Variants in CNTN4 observed in about 807,000 individuals in gnomAD.
The protein encoded by CNTN4 is contactin 4, also known as contactin-4.
In CNTN4, 77 loss-of-function variants were observed where a neutral mutation model predicts 122.5. The ratio of observed to expected loss-of-function variants is 0.63; its 90% CI spans 0.52 to 0.76. The LOEUF (loss-of-function observed/expected upper bound fraction) is 0.76. Among genes scored for constraint, CNTN4 ranks in the 30% least tolerant of loss-of-function variants. The pLI is 0.00. For synonymous variants in CNTN4, 512 were observed against 447.0 expected (o/e 1.15, Z -1.83); for missense variants, 1,256 against 1,259.1 (o/e 1.00, Z 0.04).
intron 13 of CNTN4, among the ~76,000 whole-genome samples, chr3:2,970,469 A>G (rs765371249): frequency 2.6e-5 from 4 of 151,962 alleles, no homozygotes; most frequent in Non-Finnish European, 2.9e-5. Context: ...TAATTGAGAC[A>G]GTTTTACTCT....
At chr3:2,783,215 G>A (rs900361423) in intron 6 of CNTN4, among the ~76,000 whole-genome samples, 2 of 152,186 alleles carry the variant, frequency 1.3e-5, no homozygotes, top group East Asian at 3.9e-4. Context: ...CTTGAGCCCA[G>A]CAGATGGAGG....
chr3:3,055,729 T>A (rs1208847019), intron 24 of CNTN4, among the ~76,000 whole-genome samples: 1 of 152,192 alleles, frequency 6.6e-6, no homozygotes, highest in African/African-American at 2.4e-5. Flanking sequence ...CTGGCCTTCA[T>A]CCAGTTTTTG....
At chr3:3,009,814 A>G (rs888308374) in intron 14 of CNTN4, among the ~76,000 whole-genome samples, 1 of 152,224 alleles carries the variant, frequency 6.6e-6, no homozygotes, top group Admixed American at 6.5e-5. Flanking sequence ...TTGTTGGCCC[A>G]TATTTAAGAG....
At chr3:2,397,430 AT>A (rs965157724) in intron 3 of CNTN4, among the ~76,000 whole-genome samples, 22 of 151,888 alleles carry the variant, frequency 1.4e-4, no homozygotes, top group African/African-American at 5.3e-4. Flanking sequence ...GAAGAAAAAA[AT>A]TTATAAGCTT....
intron 4 of CNTN4, among the ~76,000 whole-genome samples, chr3:2,643,092 C>T (rs1011512283): frequency 2.0e-5 from 3 of 152,228 alleles, no homozygotes; most frequent in Non-Finnish European, 4.4e-5. Flanking sequence ...ACTCTATCAT[C>T]TCTATGGAGC....
intron 2 of CNTN4, among the ~76,000 whole-genome samples, chr3:2,105,231 T>C (rs181156471): frequency 6.6e-6 from 1 of 152,318 alleles, no homozygotes; most frequent in Non-Finnish European, 1.5e-5. Flanking sequence ...CTAGACCTGC[T>C]GAGGTCACCA....
chr3:2,287,726 AGAAGAAGAAGAAGAAGAAGAAG>A (rs1559416061), intron 2 of CNTN4, among the ~76,000 whole-genome samples: 3 of 62,310 alleles, frequency 4.8e-5, no homozygotes, highest in Non-Finnish European at 6.7e-5. Flanking sequence ...AAGAAGAAGA[AGAAGAAGAAGAAGAAGAAGAAG>A]AAGAAGAAGA....
intron 10 of CNTN4, among the ~76,000 whole-genome samples, chr3:2,889,523 TGCTATG>T (rs2094014863): frequency 1.3e-5 from 2 of 152,214 alleles, no homozygotes; most frequent in Admixed American, 1.3e-4. Context: ...TTCAGTGAGA[TGCTATG>T]GCTGTGTATT....
intron 3 of CNTN4, among the ~76,000 whole-genome samples, chr3:2,570,318 C>T (rs142553489): frequency 1.3e-5 from 2 of 151,784 alleles, no homozygotes; most frequent in East Asian, 1.9e-4. Flanking sequence ...GGACTATAGG[C>T]GTGCACCACC....
chr3:2,355,585 C>T (rs1308100421), intron 3 of CNTN4, among the ~76,000 whole-genome samples: 1 of 152,168 alleles, frequency 6.6e-6, no homozygotes, highest in Non-Finnish European at 1.5e-5. Context: ...CTCTCTTCTT[C>T]CCCAATCCCC....
intron 18 of CNTN4, chr3:3,037,782 G>C: frequency 3.9e-6 from 1 of 254,742 alleles, no homozygotes; most frequent in South Asian, 4.9e-5. Flanking sequence ...TGTTCACTTA[G>C]ATTATCTTTC....
intron 13 of CNTN4, among the ~76,000 whole-genome samples, chr3:2,937,940 G>C (rs2094580671): frequency 6.6e-6 from 1 of 152,218 alleles, no homozygotes; most frequent in Admixed American, 6.5e-5. Flanking sequence ...CAGCCAGGGG[G>C]AGGAGTTGCC....
At chr3:2,156,838 G>A (rs1420104875) in intron 2 of CNTN4, among the ~76,000 whole-genome samples, 1 of 152,202 alleles carries the variant, frequency 6.6e-6, no homozygotes, top group Non-Finnish European at 1.5e-5. Context: ...CTCTTTATGA[G>A]ATTACTAAGA....
At chr3:2,477,867 G>A (rs2075875873) in intron 3 of CNTN4, among the ~76,000 whole-genome samples, 1 of 152,174 alleles carries the variant, frequency 6.6e-6, no homozygotes, top group South Asian at 2.1e-4. Flanking sequence ...CAAGAAGGCA[G>A]TAAGCTCAGT....
At chr3:2,646,550 T>G (rs977195444) in intron 4 of CNTN4, among the ~76,000 whole-genome samples, 1 of 152,202 alleles carries the variant, frequency 6.6e-6, no homozygotes, top group Non-Finnish European at 1.5e-5. Context: ...ATGGCTATCA[T>G]TGTTACCATG....
intron 2 of CNTN4, among the ~76,000 whole-genome samples, chr3:2,193,117 C>A (rs2037664019): frequency 2.0e-5 from 3 of 152,100 alleles, no homozygotes; most frequent in Admixed American, 2.0e-4. Context: ...TGCCCATATT[C>A]TCCTGCAACA....
chr3:2,250,540 C>T (rs571544981), intron 2 of CNTN4, among the ~76,000 whole-genome samples: 1 of 151,600 alleles, frequency 6.6e-6, no homozygotes, highest in Non-Finnish European at 1.5e-5. Flanking sequence ...TTGAATATTC[C>T]CAACACAATG....
intron 23 of CNTN4, 55 bp downstream of exon 23, chr3:3,043,759 C>G (rs1700372014): frequency 3.6e-6 from 4 of 1,100,624 alleles, no homozygotes; most frequent in Admixed American, 1.7e-5. Context: ...TGGGGGCAGT[C>G]TCCTCCATGA....
intron 3 of CNTN4, among the ~76,000 whole-genome samples, chr3:2,512,181 T>G (rs1199938460): frequency 6.6e-6 from 1 of 152,166 alleles, no homozygotes; most frequent in East Asian, 1.9e-4. Context: ...TTTCTCTTGT[T>G]TTTCAGTTGC....
Sources: gnomAD v4.1 joint callset for allele counts (sites outside exome capture counted in the v4.1 genomes callset) on GRCh38, gnomAD v4.1.1 for gene constraint, MANE v1.5 for transcripts, NCBI Gene and HGNC (gene_info 2026-07-23, HGNC 2026-07-21) for gene names.